NOC3L: variants seen among roughly 807,000 people sequenced by gnomAD.
The protein encoded by NOC3L is NOC3 like DNA replication regulator.
Under a neutral mutation model 102.5 loss-of-function variants are expected in NOC3L, and 85 were observed. The observed-to-expected ratio is 0.83, with a 90% CI of 0.70 to 0.99. The LOEUF (loss-of-function observed/expected upper bound fraction) is 0.99. NOC3L is among the 50% of genes least tolerant of loss of function. The pLI is 0.00. For synonymous variants in NOC3L, 303 were observed against 309.4 expected (o/e 0.98, Z 0.22); for missense variants, 878 against 914.9 (o/e 0.96, Z 0.52).
Position 94,344,845 on chromosome 10 carries a change from C to G in NOC3L, c.1470+8G>C. 6.3e-7 allele frequency: 1 copy of G among 1,583,016 alleles called. No individual in the cohort carries two copies. The highest frequency in any genetic ancestry group is 1.4e-5 in the African/African-American group (1 of 73,368). On this transcript the variant is annotated splice_region_variant and intron_variant, in intron 12 of 20. Coordinates refer to ENST00000371361, the MANE Select transcript of NOC3L (RefSeq NM_022451.11). ...TTTAAAAGCATAACAGAATATGAAA[C>G]TGCCTACCAGTTTAAGTTTTTTCTC...
chr10:94,318,368 T>C, the NOC3L span, among the ~76,000 whole-genome samples: 1 of 152,246 alleles, frequency 6.6e-6, no homozygotes, highest in Non-Finnish European at 1.5e-5. Context: ...AAAAAGTATG[T>C]ATCCTCTAAG....
chr10:94,357,243 T>C lies in NOC3L; in HGVS notation c.439A>G (p.Lys147Glu). Residue 147 changes from lysine (K) to glutamate (E), a missense_variant, in exon 4 of 21, where the codon AAG (lysine) becomes GAG (glutamate). Coordinates refer to ENST00000371361, the MANE Select transcript of NOC3L (RefSeq NM_022451.11). ...IPRTLQTAPE[K>E]ELIHLLPIKD... ...ATAGGAAGTAAATGAATCAGTTCCT[T>C]CTCTGGTGCAGTTTGCAGAGTTCTT... 1 of 1,610,042 alleles carries C rather than the reference T, an allele frequency of 6.2e-7. No homozygotes were observed. Among genetic ancestry groups the C allele is most frequent in the African/African-American group, 1.3e-5 (1 of 74,866 alleles).
chr10:94,338,751 C>T lies in NOC3L; in HGVS notation c.1963-15G>A, dbSNP rs1409718205. On this transcript the variant is annotated splice_polypyrimidine_tract_variant and intron_variant, in intron 17 of 20. Coordinates refer to ENST00000371361, the MANE Select transcript of NOC3L (RefSeq NM_022451.11). ...TTGGGGAAAGTCTGCAAAAATGTCACATAAAAAGAATTGGTTAAATTAACA... is the reference window on the plus strand; with the variant it reads ...TTGGGGAAAGTCTGCAAAAATGTCATATAAAAAGAATTGGTTAAATTAACA... The T allele has an allele frequency of 7.5e-6, 12 of 1,606,290 alleles. No homozygotes were observed. Among genetic ancestry groups the T allele is most frequent in the Non-Finnish European group, 1.0e-5 (12 of 1,175,942 alleles).
At chr10:94,349,429 C>T in intron 9 of NOC3L, 51 bp from the exon 10 acceptor site, 1 of 1,511,062 alleles carries the variant, frequency 6.6e-7, no homozygotes, top group East Asian at 2.4e-5. Context: ...CTTAGCACTA[C>T]TGACGTTTTG....
In NOC3L at chr10:94,339,913, GGTA is replaced by G; in HGVS notation, c.1785_1787del (p.Thr596del). ...GGAGTACAATCTCAACACCTTCATT[GGTA>G]GCACCTAAAACAGCAGACATATTCT... is the stretch of plus-strand genomic sequence containing the variant. On this transcript the variant is annotated inframe_deletion, in exon 17 of 21. Coordinates refer to ENST00000371361, the MANE Select transcript of NOC3L (RefSeq NM_022451.11). 1 of 1,613,196 alleles carries G rather than the reference GGTA, an allele frequency of 6.2e-7. No individual in the cohort carries two copies. Among genetic ancestry groups the G allele is most frequent in the Admixed American group, 1.7e-5 (1 of 59,868 alleles).
intron 4 of NOC3L, 30 bp downstream of exon 4, chr10:94,357,144 C>A: frequency 1.4e-6 from 2 of 1,420,524 alleles, no homozygotes; most frequent in South Asian, 3.4e-5. Flanking sequence ...GGTAAAAGTT[C>A]AACTAATATT....
chr10:94,317,269 G>A, the NOC3L span, among the ~76,000 whole-genome samples: 1 of 151,822 alleles, frequency 6.6e-6, no homozygotes, highest in Admixed American at 6.6e-5. Context: ...AAAAAGACAA[G>A]GAAATATGTT....
Position 94,356,614 on chromosome 10 carries a change from A to T in NOC3L, c.509-23T>A, listed in dbSNP as rs764532289. The T allele has an allele frequency of 5.1e-6, 7 of 1,369,322 alleles. No individual in the cohort carries two copies. The African/African-American group carries it at 1.0e-4, about 20-fold the overall frequency. 84.8% of individuals were successfully genotyped at this position (1,369,322 alleles called of 1,614,324 possible). ...TAACTATATGGAAAACATATGTATT[A>T]AAACTGTGATATATACTTAAGTGGT... On this transcript the variant is annotated intron_variant, in intron 4 of 20. Transcript: ENST00000371361.
intron 2 of NOC3L, among the ~76,000 whole-genome samples, chr10:94,360,825 C>CTAT (rs1368482870): frequency 1.3e-5 from 2 of 151,830 alleles, no homozygotes; most frequent in African/African-American, 4.8e-5. Context: ...AATATATACA[C>CTAT]CTACTATGTA....
chr10:94,356,518 C>T lies in NOC3L; in HGVS notation c.565+17G>A, dbSNP rs761133673. 8 of 1,499,620 alleles carry T rather than the reference C, an allele frequency of 5.3e-6. No homozygotes were observed. Among genetic ancestry groups the T allele is most frequent in the South Asian group, 2.3e-5 (2 of 88,354 alleles). 92.9% of individuals were successfully genotyped at this position (1,499,620 alleles called of 1,614,324 possible). ...AAATTCTCAATTAACAATTTAGTAA[C>T]TGTAAAGACATATTACCTTCCTCAA... On this transcript the variant is annotated intron_variant, in intron 5 of 20. Transcript: ENST00000371361.
Position 94,354,958 on chromosome 10 carries a change from C to T in NOC3L, c.696+5G>A. The T allele has an allele frequency of 1.9e-6, 3 of 1,612,036 alleles. No individual in the cohort carries two copies. The highest frequency in any genetic ancestry group is 2.5e-6 in the Non-Finnish European group (3 of 1,179,130). On this transcript the variant is annotated splice_donor_5th_base_variant and intron_variant, in intron 6 of 20. Coordinates refer to ENST00000371361, the MANE Select transcript of NOC3L (RefSeq NM_022451.11). Reference sequence around the variant, plus strand: ...AAAGAGCCTAAAGAAATTAATACTACCTACATTATTTTCTGGATCTGATAA... The same window carrying T: ...AAAGAGCCTAAAGAAATTAATACTATCTACATTATTTTCTGGATCTGATAA...
intron 5 of NOC3L, among the ~76,000 whole-genome samples, chr10:94,355,952 T>TA (rs1282115765): frequency 1.3e-5 from 2 of 152,186 alleles, no homozygotes; most frequent in Non-Finnish European, 2.9e-5. Flanking sequence ...TGAAAACAGT[T>TA]AAACAGTTGA....
downstream of NOC3L, chr10:94,330,926 T>C (rs761497086): frequency 6.6e-6 from 1 of 152,208 alleles, no homozygotes; most frequent in African/African-American, 2.4e-5. Flanking sequence ...TTAAAGTTGA[T>C]GTGGACAAGA....
At chr10:94,322,094 C>T in the NOC3L span, 3 of 1,597,938 alleles carry the variant, frequency 1.9e-6, no homozygotes, top group African/African-American at 4.0e-5. Flanking sequence ...TGAGTCCTTT[C>T]CTCAGCATAA....
the NOC3L span, chr10:94,324,633 G>C: frequency 7.7e-7 from 1 of 1,306,810 alleles, no homozygotes; most frequent in Middle Eastern, 2.0e-4. Context: ...ACTGTAGCCA[G>C]ATCTGGAAGC....
At chr10:94,355,628 A>T (rs2054474478) in intron 5 of NOC3L, among the ~76,000 whole-genome samples, 1 of 152,052 alleles carries the variant, frequency 6.6e-6, no homozygotes. Flanking sequence ...GGCTCAAGTG[A>T]TCCTCCCACC....
intron 17 of NOC3L, 123 bp downstream of exon 17, chr10:94,339,616 T>C: frequency 2.5e-6 from 2 of 801,816 alleles, no homozygotes; most frequent in East Asian, 2.7e-5. Context: ...CACCTGATTT[T>C]GTTACAAGTG....
chr10:94,356,701 A>ATGGGAAGAGCACAATTAGTGAT, intron 4 of NOC3L, 110 bp from the exon 5 acceptor site: 1 of 701,206 alleles, frequency 1.4e-6, no homozygotes, highest in African/African-American at 1.8e-5. Context: ...AGTTACTTTT[A>ATGGGAAGAGCACAATTAGTGAT]TGGGAAGAGC....
intron 13 of NOC3L, 103 bp downstream of exon 13, chr10:94,344,312 T>C: frequency 1.6e-6 from 1 of 630,566 alleles, no homozygotes; most frequent in Non-Finnish European, 2.7e-6. Flanking sequence ...AGAAAAGGAA[T>C]GAGAACTGAG....
Sources: allele counts gnomAD v4.1 joint callset (sites outside exome capture counted in the v4.1 genomes callset), GRCh38; gene constraint gnomAD v4.1.1; transcripts MANE v1.5; gene names NCBI Gene and HGNC (gene_info 2026-07-23, HGNC 2026-07-21).